Variants in COL7A1 observed in about 807,000 individuals in gnomAD.
The protein encoded by COL7A1 is collagen alpha-1(VII) chain.
In COL7A1, 296 loss-of-function variants were observed where a neutral mutation model predicts 456.2. The observed-to-expected ratio is 0.65, with a 90% CI of 0.59 to 0.71. The LOEUF is 0.71. Among genes scored for constraint, COL7A1 ranks in the 30% least tolerant of loss-of-function variants. The pLI, the probability that COL7A1 is intolerant of heterozygous loss-of-function variation, is 0.00. For missense variants in COL7A1, 3,441 were observed against 4,017.2 expected (o/e 0.86, Z 3.88); for synonymous variants, 1,464 against 1,525.9 (o/e 0.96, Z 0.95).
At position 48,580,846 on chromosome 3, in the gene COL7A1, C is replaced by T. The variant is rs761962848; in HGVS notation, c.4980+36G>A. 35 of 1,613,820 alleles carry T rather than the reference C, an allele frequency of 2.2e-5. No individual in the cohort carries two copies. The highest frequency in any genetic ancestry group is 2.9e-5 in the Non-Finnish European group (34 of 1,179,866). On this transcript the variant is annotated intron_variant, in intron 54 of 118. Transcript: ENST00000681320. This position sits in a 1 kb window ranked among gnomAD's most constrained non-coding sequence, Gnocchi z 4.5. ...TTCCTATCACCTTCATGCCCACCTCCCATCACCCCTGTTACTTCTCTCTGC... is the reference window on the plus strand; with the variant it reads ...TTCCTATCACCTTCATGCCCACCTCTCATCACCCCTGTTACTTCTCTCTGC...
Position 48,575,393 on chromosome 3 carries a change from G to A in COL7A1, c.6126C>T (p.Pro2042=), listed in dbSNP as rs777837431. The change falls in exon 74 of 119, where the codon CCC becomes CCT. Residue 2042 remains proline, a synonymous_variant. Transcript: ENST00000681320. This position sits in a 1 kb window ranked among gnomAD's most constrained non-coding sequence, Gnocchi z 6.3. ...LAGEPGKPGI[P]GLPGRAGGVG... ...CACCCCCAGCCCTGCCTGGGAGCCC[G>A]GGAATACCAGGCTTTCCAGGCTCCC... The A allele has an allele frequency of 8.2e-6, 13 of 1,580,522 alleles. No individual in the cohort carries two copies. The highest frequency in any genetic ancestry group is 2.7e-5 in the African/African-American group (2 of 73,436).
chr3:48,588,689 A>G lies in COL7A1; in HGVS notation c.2540T>C (p.Leu847Pro). The G allele has an allele frequency of 6.2e-7, 1 of 1,613,888 alleles. No homozygotes were observed. The highest frequency in any genetic ancestry group is 1.3e-5 in the African/African-American group (1 of 75,072). ...GVSYSVRVTA[L>P]VGDREGTPVS... ...AGGTGTGCCCTCGCGGTCCCCGACAAGTGCAGTCACTCGCACTGAGTAGCT... is the reference window on the plus strand; with the variant it reads ...AGGTGTGCCCTCGCGGTCCCCGACAGGTGCAGTCACTCGCACTGAGTAGCT... The change falls in exon 20 of 119, where the codon CTT becomes CCT. Residue 847 changes from leucine to proline, a missense_variant. By Grantham distance (98) the Leu-to-Pro change is moderately conservative. This residue lies in a region of COL7A1 where 444 missense variants were observed against 427.6 expected (regional missense o/e 1.04). Coordinates refer to ENST00000681320, the MANE Select transcript of COL7A1 (RefSeq NM_000094.4). The surrounding 1 kb of genome is among the most constrained non-coding windows in gnomAD (Gnocchi z 4.6).
Position 48,569,286 on chromosome 3 carries a change from T to G in COL7A1, c.7686+89A>C. 6.6e-7 allele frequency: 1 copy of G among 1,510,212 alleles called. No individual in the cohort carries two copies. Among genetic ancestry groups the G allele is most frequent in the Admixed American group, 1.7e-5 (1 of 59,814 alleles). 93.6% of individuals were successfully genotyped at this position (1,510,212 alleles called of 1,614,324 possible). ...TCCCCCTAAACCCCAGAAAGCCTCC[T>G]CCTGTCCTCCCCTCCTGCCCTCACA... On this transcript the variant is annotated intron_variant, in intron 103 of 118. Transcript: ENST00000681320. The surrounding 1 kb of genome is among the most constrained non-coding windows in gnomAD (Gnocchi z 4.9).
chr3:48,581,797 T>A lies in COL7A1; in HGVS notation c.4669-38A>T. The A allele has an allele frequency of 2.5e-6, 4 of 1,613,860 alleles. No homozygotes were observed. The highest frequency in any genetic ancestry group is 3.4e-6 in the Non-Finnish European group (4 of 1,179,876). On this transcript the variant is annotated intron_variant, in intron 48 of 118. Transcript: ENST00000681320. This position sits in a 1 kb window ranked among gnomAD's most constrained non-coding sequence, Gnocchi z 5.8. ...AAGACCATCAGTGCTAGTCCCAGGC[T>A]CCAGTTAACCCCCTGACCCAGCAAG... is the stretch of plus-strand genomic sequence containing the variant.
chr3:48,576,971 A>T (rs2532852), intron 66 of COL7A1, 21 bp downstream of exon 66: 3 of 1,613,818 alleles, frequency 1.9e-6, no homozygotes, highest in Non-Finnish European at 2.5e-6. Flanking sequence ...GACCAGAGAG[A>T]CCCCAGGTGG....
At position 48,575,986 on chromosome 3, in the gene COL7A1, C is replaced by T. The variant is rs2854406; in HGVS notation, c.5821-84G>A. On this transcript the variant is annotated intron_variant, in intron 71 of 118. Coordinates refer to ENST00000681320, the MANE Select transcript of COL7A1 (RefSeq NM_000094.4). The surrounding 1 kb of genome is among the most constrained non-coding windows in gnomAD (Gnocchi z 6.3). ...CCGCACGGCCTCAGGAAAGCACCTT[C>T]ACACCCTTTTCCCTAGGCCTCTTGC... The T allele has an allele frequency of 2.5e-6, 4 of 1,604,466 alleles. No individual in the cohort carries two copies. The highest frequency in any genetic ancestry group is 3.4e-6 in the Non-Finnish European group (4 of 1,171,742).
In COL7A1 at chr3:48,595,065, C is replaced by T. The variant is rs753359572; in HGVS notation, c.85+10G>A. On this transcript the variant is annotated intron_variant, in intron 2 of 118. Transcript: ENST00000681320. The stretch of plus-strand genomic sequence containing the variant: ...GTGCCCCGGGCCGGGTCCTCCCTTG[C>T]GGTGCCCACCTCTCTCCCTGTGCTG... The T allele has an allele frequency of 1.9e-6, 3 of 1,546,596 alleles. No individual in the cohort carries two copies. The highest frequency in any genetic ancestry group is 1.2e-5 in the South Asian group (1 of 83,956).
Position 48,567,023 on chromosome 3 carries a change from C to T in COL7A1, c.8110G>A (p.Gly2704Arg). 6.2e-7 allele frequency: 1 copy of T among 1,613,580 alleles called. No homozygotes were observed. Among genetic ancestry groups the T allele is most frequent in the Non-Finnish European group, 8.5e-7 (1 of 1,179,692 alleles). ...KGDQGEKGER[G>R]TPGIGGFPGP... ...GGGAAGCCCCCAATTCCTGGGGTTC[C>T]CTGGGGAGATATAGGACAGAGTCAG... Residue 2704 changes from glycine (G) to arginine (R), a missense_variant and splice_region_variant, in exon 111 of 119, where the codon GGA (glycine) becomes AGA (arginine). Transcript: ENST00000681320. This position sits in a 1 kb window ranked among gnomAD's most constrained non-coding sequence, Gnocchi z 4.3.
In COL7A1 at chr3:48,572,631, G is replaced by T. The variant is rs763745712; in HGVS notation, c.6900+40C>A. ...GAAACAGGCTTGTGGGTGAGGCAGAGGAGTTGCTGCAGGGGGTGGAAGTCA... is the reference window on the plus strand; with the variant it reads ...GAAACAGGCTTGTGGGTGAGGCAGATGAGTTGCTGCAGGGGGTGGAAGTCA... On this transcript the variant is annotated intron_variant, in intron 88 of 118. Coordinates refer to ENST00000681320, the MANE Select transcript of COL7A1 (RefSeq NM_000094.4). The surrounding 1 kb of genome is among the most constrained non-coding windows in gnomAD (Gnocchi z 4.6). The T allele has an allele frequency of 1.2e-6, 2 of 1,603,932 alleles. No individual in the cohort carries two copies. The highest frequency in any genetic ancestry group is 2.2e-5 in the South Asian group (2 of 89,664).
chr3:48,581,973 G>A lies in COL7A1; in HGVS notation c.4636-30C>T. 6.2e-7 allele frequency: 1 copy of A among 1,613,962 alleles called. No individual in the cohort carries two copies. The highest frequency in any genetic ancestry group is 8.5e-7 in the Non-Finnish European group (1 of 1,180,032). On this transcript the variant is annotated intron_variant, in intron 47 of 118. Transcript: ENST00000681320. This position sits in a 1 kb window ranked among gnomAD's most constrained non-coding sequence, Gnocchi z 5.8. ...AAACAAACAGGACAGATACAGCTTG[G>A]CCCTGCCTTGGGGTTGTATGATCAA...
rs756697964 is a variant in COL7A1 at position 48,581,316 on chromosome 3, T to C, written c.4843A>G (p.Lys1615Glu). The change falls in exon 52 of 119, where the codon AAG (lysine) becomes GAG (glutamate). Residue 1615 changes from lysine to glutamate, a missense_variant. Around this residue, in one of 3 missense-constraint regions of COL7A1, gnomAD observed 2,084 missense variants for 2,501.3 expected, o/e 0.83. Coordinates refer to ENST00000681320, the MANE Select transcript of COL7A1 (RefSeq NM_000094.4). This position sits in a 1 kb window ranked among gnomAD's most constrained non-coding sequence, Gnocchi z 5.8. ...GGGCCAGGCCGCCCAGGGTCTCCCT[T>C]CTCTCCAGGAGGCCCTGAGTCACCC... ...PPGDSGPPGE[K>E]GDPGRPGPPG... 6 of 1,613,182 alleles carry C rather than the reference T, an allele frequency of 3.7e-6. No individual in the cohort carries two copies. Among genetic ancestry groups the C allele is most frequent in the Non-Finnish European group, 5.1e-6 (6 of 1,179,846 alleles).
rs1361580208 is a variant in COL7A1, at chr3:48,580,269, C to T, written c.5097+31G>A. 6.2e-7 allele frequency: 1 copy of T among 1,606,634 alleles called. No individual in the cohort carries two copies. The highest frequency in any genetic ancestry group is 8.5e-7 in the Non-Finnish European group (1 of 1,176,274). On this transcript the variant is annotated intron_variant, in intron 56 of 118. Coordinates refer to ENST00000681320, the MANE Select transcript of COL7A1 (RefSeq NM_000094.4). This position sits in a 1 kb window ranked among gnomAD's most constrained non-coding sequence, Gnocchi z 4.5. ...AGCAGCGCCAGGGGACCCTCCATCC[C>T]TTCTGAGCCCAGGACACCAGCCCTA...
intron 16 of COL7A1, 71 bp from the exon 17 acceptor site, chr3:48,589,789 A>C: frequency 1.9e-6 from 3 of 1,606,992 alleles, no homozygotes; most frequent in Non-Finnish European, 2.6e-6. Context: ...ATAGGGGAAG[A>C]TGATGGGAGT....
chr3:48,584,679 G>A, intron 35 of COL7A1, 55 bp downstream of exon 35: 17 of 1,613,396 alleles, frequency 1.1e-5, no homozygotes, highest in Non-Finnish European at 1.4e-5. Context: ...CTGGTGTGGG[G>A]CAGTCCTGCT....
chr3:48,573,694 G>T lies in COL7A1; in HGVS notation c.6569C>A (p.Ala2190Asp). 6.2e-7 allele frequency: 1 copy of T among 1,612,910 alleles called. No individual in the cohort carries two copies. Among genetic ancestry groups the T allele is most frequent in the Non-Finnish European group, 8.5e-7 (1 of 1,179,476 alleles). ...GGHGDPGPPG[A>D]PGLAGPAGPQ... ...CAGTGTTCCCTGGTCACTCACCGGG[G>T]CACCAGGTGGTCCAGGGTCTCCATG... The change falls in exon 82 of 119, where the codon GCC becomes GAC. Residue 2190 changes from alanine (A) to aspartate (D), a missense_variant. This residue lies in a region of COL7A1 where 2,084 missense variants were observed against 2,501.3 expected (regional missense o/e 0.83). Coordinates refer to ENST00000681320, the MANE Select transcript of COL7A1 (RefSeq NM_000094.4). This position sits in a 1 kb window ranked among gnomAD's most constrained non-coding sequence, Gnocchi z 5.5.
chr3:48,569,786 C>T lies in COL7A1; in HGVS notation c.7522-26G>A, dbSNP rs6768758. 8.8e-4 allele frequency: 1,423 copies of T among 1,614,162 alleles called. 12 individuals carry two copies. The African/African-American group carries it at 0.017, about 19-fold the overall frequency. On this transcript the variant is annotated intron_variant, in intron 100 of 118. Coordinates refer to ENST00000681320, the MANE Select transcript of COL7A1 (RefSeq NM_000094.4). This position sits in a 1 kb window ranked among gnomAD's most constrained non-coding sequence, Gnocchi z 4.9. ...CTATTGGGCAAAAGAGTGTGAGTCC[C>T]GCCCAAACTGGGGAGGCCCCGCACC... is the stretch of plus-strand genomic sequence containing the variant.
In COL7A1 at chr3:48,568,256, A is replaced by C; in HGVS notation, c.7795-86T>G. On this transcript the variant is annotated intron_variant, in intron 105 of 118. Coordinates refer to ENST00000681320, the MANE Select transcript of COL7A1 (RefSeq NM_000094.4). This position sits in a 1 kb window ranked among gnomAD's most constrained non-coding sequence, Gnocchi z 5.2. ...CCCTGGATAGTGGGTAGGGAACACC[A>C]TGGGGTGGGAGTCACCTCTGGAGGC... The C allele has an allele frequency of 3.4e-6, 5 of 1,468,086 alleles. No individual in the cohort carries two copies. Among genetic ancestry groups the C allele is most frequent in the East Asian group, 2.3e-5 (1 of 44,104 alleles). The allele number at this position is 1,468,086 out of a possible 1,614,324, so 90.9% of individuals were successfully genotyped here. A position where few individuals can be genotyped will look rare whatever the true frequency, so the allele number is the denominator to read the frequency against.
rs1575474473 is a variant in COL7A1 at position 48,586,943 on chromosome 3, G to A, written c.3276+29C>T. The A allele has an allele frequency of 6.4e-7, 1 of 1,571,788 alleles. No homozygotes were observed. The highest frequency in any genetic ancestry group is 2.3e-5 in the East Asian group (1 of 43,138). On this transcript the variant is annotated intron_variant, in intron 25 of 118. Transcript: ENST00000681320. The surrounding 1 kb of genome is among the most constrained non-coding windows in gnomAD (Gnocchi z 5.1). ...GCCTGGGTGGGGGGCCTCAGGGAGA[G>A]GTAGAATCTGGCTGCCCCAGGGCCA... is the stretch of plus-strand genomic sequence containing the variant.
rs2045289296 is a variant in COL7A1, at chr3:48,586,690, C to T, written c.3277-1G>A. 6.3e-7 allele frequency: 1 copy of T among 1,580,696 alleles called. No individual in the cohort carries two copies. Among genetic ancestry groups the T allele is most frequent in the Non-Finnish European group, 8.6e-7 (1 of 1,162,682 alleles). Reference sequence around the variant, plus strand: ...GATGACTGTAAGACAGCAGGCCAACCTGGGGTGGAAGGAAACACAGAGCCT... The same window carrying T: ...GATGACTGTAAGACAGCAGGCCAACTTGGGGTGGAAGGAAACACAGAGCCT... On this transcript the variant is annotated splice_acceptor_variant, in intron 25 of 118. Transcript: ENST00000681320. LOFTEE classifies it high-confidence loss of function. This position sits in a 1 kb window ranked among gnomAD's most constrained non-coding sequence, Gnocchi z 5.1.
Sources: allele counts gnomAD v4.1 joint callset, GRCh38; gene constraint gnomAD v4.1.1; regional missense constraint gnomAD v4.1.1; non-coding constraint Gnocchi (gnomAD v3.1); transcripts MANE v1.5; gene names NCBI Gene and HGNC (gene_info 2026-07-23, HGNC 2026-07-21).